The following SYT9 variants were observed in gnomAD, a reference collection of about 807,000 sequenced individuals.
The protein encoded by SYT9 is synaptotagmin 9, also known as synaptotagmin-9.
SYT9 carries 22 observed loss-of-function variants against 48.4 expected under a neutral mutation model. The ratio of observed to expected loss-of-function variants is 0.45; its 90% CI spans 0.32 to 0.65. The LOEUF (loss-of-function observed/expected upper bound fraction) is 0.65, where lower values mean the gene tolerates loss of function less well. Among genes scored for constraint, SYT9 ranks in the 30% least tolerant of loss-of-function variants. The probability of loss-of-function intolerance (pLI) is 0.03; values close to 1 mark genes in which losing one functional copy is unlikely to be tolerated. For missense variants in SYT9, 577 were observed against 622.0 expected (o/e 0.93, Z 0.77); for synonymous variants, 265 against 245.0 (o/e 1.08, Z -0.76).
intron 3 of SYT9, among the ~76,000 whole-genome samples, chr11:7,367,098 T>TTC (rs71056800): frequency 0.18 from 20,744 of 112,858 alleles, 4,623 homozygotes; most frequent in East Asian, 0.6. Flanking sequence ...TTTTTTTTTT[T>TTC]CGAGACGGAG....
chr11:7,245,144 A>T (rs2119726554), intron 1 of SYT9, among the ~76,000 whole-genome samples: 1 of 152,306 alleles, frequency 6.6e-6, no homozygotes. Context: ...ACAAATTTGA[A>T]TTTGAATGCT....
upstream of SYT9, among the ~76,000 whole-genome samples, chr11:7,249,309 T>G (rs1210777732): frequency 2.8e-4 from 42 of 152,154 alleles, no homozygotes; most frequent in Non-Finnish European, 2.9e-5. Context: ...AAGTCTAGAC[T>G]CAGCTCAGAA....
intron 6 of SYT9, chr11:7,450,379 G>A (rs548579991): frequency 6.6e-6 from 1 of 152,270 alleles, no homozygotes; most frequent in Admixed American, 6.5e-5. Flanking sequence ...TCACCCCCTT[G>A]AACTTTTAGC....
At chr11:7,416,237 A>C in intron 4 of SYT9, 75 bp downstream of exon 4, 1 of 1,561,272 alleles carries the variant, frequency 6.4e-7, no homozygotes. Flanking sequence ...TTAGTATGGT[A>C]ATAAAGCACA....
chr11:7,373,461 A>G (rs1045669693), intron 3 of SYT9, among the ~76,000 whole-genome samples: 16 of 152,040 alleles, frequency 1.1e-4, no homozygotes, highest in African/African-American at 3.9e-4. Flanking sequence ...GGAGGTTCCT[A>G]AGGCTCCCTG....
At position 7,340,218 on chromosome 11, in the gene SYT9, G is replaced by T. The variant is rs57680913; in HGVS notation, c.1044+26277G>T. ...TTTTGCAGCTCTATCAGGTCAGTTA[G>T]GTTCTCTTTTATATTGGCTATTTTT... On this transcript the variant is annotated intron_variant, in intron 3 of 6. Transcript: ENST00000318881. 5.6e-3 allele frequency among the ~76,000 whole-genome samples: 852 copies of T among 152,182 alleles called. 8 individuals are homozygous for T. The highest frequency in any genetic ancestry group is 0.019 in the African/African-American group (809 of 41,514).
chr11:7,278,029 T>C (rs1251149072), intron 1 of SYT9, among the ~76,000 whole-genome samples: 1 of 152,206 alleles, frequency 6.6e-6, no homozygotes, highest in Non-Finnish European at 1.5e-5. Context: ...AAGTCCAAGG[T>C]TGAGAGGTCA....
chr11:7,356,843 G>A (rs1288685470), intron 3 of SYT9, among the ~76,000 whole-genome samples: 2 of 152,182 alleles, frequency 1.3e-5, no homozygotes, highest in Non-Finnish European at 2.9e-5. Flanking sequence ...ACACTAAACT[G>A]TTACTGTGTG....
At chr11:7,283,310 C>T (rs1848536072) in intron 1 of SYT9, among the ~76,000 whole-genome samples, 1 of 151,880 alleles carries the variant, frequency 6.6e-6, no homozygotes, top group Non-Finnish European at 1.5e-5. Flanking sequence ...TTTAAAAATG[C>T]TGGTAAATTA....
chr11:7,429,370 C>T (rs139708015), intron 6 of SYT9, among the ~76,000 whole-genome samples: 77 of 152,178 alleles, frequency 5.1e-4, no homozygotes, highest in African/African-American at 1.8e-3. Context: ...CACTATATAC[C>T]CTGGGAGCAG....
intron 3 of SYT9, among the ~76,000 whole-genome samples, chr11:7,338,608 C>A (rs1849666142): frequency 6.6e-6 from 1 of 152,060 alleles, no homozygotes; most frequent in Non-Finnish European, 1.5e-5. Context: ...ATTATTTACC[C>A]CAAAGTCATT....
At chr11:7,406,535 C>CAT (rs57371051) in intron 3 of SYT9, among the ~76,000 whole-genome samples, 9,584 of 134,702 alleles carry the variant, frequency 0.071, 315 homozygotes, top group South Asian at 0.1. Context: ...TTCAATTGCG[C>CAT]ATATATATAT....
At chr11:7,423,131 A>G (rs1847385414) in intron 6 of SYT9, among the ~76,000 whole-genome samples, 1 of 152,256 alleles carries the variant, frequency 6.6e-6, no homozygotes, top group Non-Finnish European at 1.5e-5. Context: ...GCAAGCCTTC[A>G]TATAAGCAGG....
chr11:7,460,289 A>G (rs1848214557), intron 6 of SYT9, among the ~76,000 whole-genome samples: 1 of 152,158 alleles, frequency 6.6e-6, no homozygotes, highest in African/African-American at 2.4e-5. Context: ...ATTTTCCTAA[A>G]CTTTTAAACA....
chr11:7,290,265 C>T (rs953691306), intron 1 of SYT9, among the ~76,000 whole-genome samples: 1 of 152,144 alleles, frequency 6.6e-6, no homozygotes, highest in Non-Finnish European at 1.5e-5. Context: ...TAATATTGAC[C>T]ATAGAAGCAA....
intron 3 of SYT9, among the ~76,000 whole-genome samples, chr11:7,383,336 T>C (rs1850599998): frequency 1.3e-5 from 2 of 152,084 alleles, no homozygotes; most frequent in South Asian, 4.2e-4. Flanking sequence ...CCAGTAGTAC[T>C]AGGAAATATG....
At position 7,416,122 on chromosome 11, in the gene SYT9, A is replaced by G; in HGVS notation, c.1125A>G (p.Lys375=). The change falls in exon 4 of 7, where the codon AAA becomes AAG. Residue 375 remains lysine (K), a synonymous_variant. Transcript: ENST00000318881. ...GCAGGCTGACCATTACCATTATAAA[A>G]GCAAGGAATTTAAAGGCAATGGACA... ...TAGRLTITII[K]ARNLKAMDIT... is the part of the protein sequence containing the mutation. 1 of 1,614,212 alleles carries G rather than the reference A, an allele frequency of 6.2e-7. No individual in the cohort carries two copies. Among genetic ancestry groups the G allele is most frequent in the Non-Finnish European group, 8.5e-7 (1 of 1,180,018 alleles).
intron 6 of SYT9, among the ~76,000 whole-genome samples, chr11:7,465,272 G>A (rs1032487830): frequency 2.0e-5 from 3 of 152,130 alleles, no homozygotes; most frequent in South Asian, 2.1e-4. Context: ...TCAAAGCCAC[G>A]GGTCACAATC....
intron 3 of SYT9, among the ~76,000 whole-genome samples, chr11:7,360,516 C>T (rs1308318313): frequency 6.6e-6 from 1 of 152,136 alleles, no homozygotes; most frequent in Non-Finnish European, 1.5e-5. Flanking sequence ...TTTGTATCCT[C>T]TTTAATTTCA....
Sources: gnomAD v4.1 joint callset for allele counts (sites outside exome capture counted in the v4.1 genomes callset) on GRCh38, gnomAD v4.1.1 for gene constraint, MANE v1.5 for transcripts, NCBI Gene and HGNC (gene_info 2026-07-23, HGNC 2026-07-21) for gene names.